The following AKAP9 variants were observed in gnomAD, a reference collection of about 807,000 sequenced individuals.
The protein encoded by AKAP9 is A-kinase anchoring protein 9.
A neutral mutation model predicts 488.5 loss-of-function variants in AKAP9; 311 were observed. The observed-to-expected ratio is 0.64, with a 90% CI of 0.58 to 0.70. The LOEUF is 0.70. Among genes scored for constraint, AKAP9 ranks in the 30% least tolerant of loss-of-function variants. The probability of loss-of-function intolerance (pLI) is 0.00; values close to 1 mark genes in which losing one functional copy is unlikely to be tolerated. For synonymous variants in AKAP9, 1,462 were observed against 1,483.5 expected (o/e 0.99, Z 0.33); for missense variants, 4,215 against 4,374.5 (o/e 0.96, Z 1.03).
Position 92,029,934 on chromosome 7 carries a change from A to T in AKAP9, c.4188A>T (p.Ala1396=), listed in dbSNP as rs1466424888. The change falls in exon 15 of 50, where the codon GCA becomes GCT. Residue 1396 remains alanine, a synonymous_variant. Transcript: ENST00000356239. The part of the protein sequence containing the change: ...VDSVVITESD[A]QRTMYPGSCV... ...CGGTGGTAATTACAGAATCTGATGC[A>T]CAGAGAACAATGTACCCTGGAAGTT... 2.5e-6 allele frequency: 4 copies of T among 1,613,186 alleles called. No individual in the cohort carries two copies. The highest frequency in any genetic ancestry group is 3.4e-6 in the Non-Finnish European group (4 of 1,179,412).
chr7:91,987,592 A>G (rs1797263788), intron 3 of AKAP9, among the ~76,000 whole-genome samples: 1 of 152,198 alleles, frequency 6.6e-6, no homozygotes, highest in Non-Finnish European at 1.5e-5. Context: ...AGTAAAGTTG[A>G]TATTTGGTGA....
At chr7:92,077,377 C>T (rs1812788351) in intron 29 of AKAP9, among the ~76,000 whole-genome samples, 1 of 152,020 alleles carries the variant, frequency 6.6e-6, no homozygotes, top group African/African-American at 2.4e-5. Context: ...AGGCGTGAGC[C>T]ACCACACCTG....
At chr7:92,044,887 A>G in intron 20 of AKAP9, 121 bp from the exon 21 acceptor site, 1 of 751,428 alleles carries the variant, frequency 1.3e-6, no homozygotes, top group Non-Finnish European at 2.3e-6. Context: ...TATTTTAATA[A>G]AAAGGATCAT....
At chr7:91,974,944 A>G (rs983482969) in intron 2 of AKAP9, among the ~76,000 whole-genome samples, 5 of 150,712 alleles carry the variant, frequency 3.3e-5, no homozygotes, top group African/African-American at 1.2e-4. Flanking sequence ...TCTGTCACCC[A>G]GGCCCAAGCC....
At chr7:92,065,188 A>G (rs1023766608) in intron 24 of AKAP9, 43 bp from the exon 25 acceptor site, 6 of 1,306,634 alleles carry the variant, frequency 4.6e-6, no homozygotes, top group Non-Finnish European at 5.4e-6. Context: ...TCATAAGATC[A>G]TTAATTGTGA....
chr7:92,048,780 A>C (rs1807433239), intron 21 of AKAP9, among the ~76,000 whole-genome samples: 1 of 152,118 alleles, frequency 6.6e-6, no homozygotes, highest in Non-Finnish European at 1.5e-5. Context: ...GGCGGCACAT[A>C]CCTGTAATCC....
At chr7:91,954,756 G>A (rs1400246059) in intron 1 of AKAP9, among the ~76,000 whole-genome samples, 1 of 152,048 alleles carries the variant, frequency 6.6e-6, no homozygotes. Flanking sequence ...CAGAAAATCT[G>A]CAGTGTCAGG....
At chr7:91,992,518 G>A (rs2130635310) in intron 4 of AKAP9, among the ~76,000 whole-genome samples, 1 of 152,170 alleles carries the variant, frequency 6.6e-6, no homozygotes, top group African/African-American at 2.4e-5. Flanking sequence ...ACAAAAATTA[G>A]CCGGGCATGG....
intron 14 of AKAP9, among the ~76,000 whole-genome samples, chr7:92,024,344 G>A (rs1006021111): frequency 7.3e-5 from 11 of 151,300 alleles, no homozygotes; most frequent in African/African-American, 1.9e-4. Flanking sequence ...CATAGGAAGC[G>A]GAGGTTGCAG....
At chr7:91,970,255 T>G (rs1281862618) in intron 1 of AKAP9, among the ~76,000 whole-genome samples, 1 of 152,208 alleles carries the variant, frequency 6.6e-6, no homozygotes, top group Admixed American at 6.5e-5. Context: ...TTGTCTCAAT[T>G]TACATGTTTT....
chr7:92,083,508 A>T lies in AKAP9; in HGVS notation c.8499A>T (p.Glu2833Asp), dbSNP rs747346120. 4 of 1,608,192 alleles carry T rather than the reference A, an allele frequency of 2.5e-6. No individual in the cohort carries two copies. The highest frequency in any genetic ancestry group is 1.7e-4 in the Middle Eastern group (1 of 6,022). The part of the protein sequence containing the change: ...QFTEKIEKMQ[E>D]LHAAEILDME... ...CTGAAAAAATTGAGAAGATGCAAGA[A>T]CTACATGCTGCTGAAATTTTGGACA... The change falls in exon 33 of 50, where the codon GAA becomes GAT. Residue 2833 changes from glutamate to aspartate, a missense_variant. This residue lies in a region of AKAP9 where 1,476 missense variants were observed against 1,477.4 expected (regional missense o/e 1.00). Coordinates refer to ENST00000356239, the MANE Select transcript of AKAP9 (RefSeq NM_005751.5).
At position 92,110,311 on chromosome 7, in the gene AKAP9, C is replaced by T. The variant is rs1420632572; in HGVS notation, c.*152C>T. ...CAAATCCCTTGCCAGCACATGAAAA[C>T]AAACTGGAATTTGTATATATAAGCA... On this transcript the variant is annotated 3_prime_UTR_variant, in exon 50 of 50. Transcript: ENST00000356239. 2 of 651,022 alleles carry T rather than the reference C, an allele frequency of 3.1e-6. No homozygotes were observed. The highest frequency in any genetic ancestry group is 5.5e-5 in the East Asian group (2 of 36,314). The allele number at this position is 651,022 out of a possible 1,614,324, so 40.3% of individuals were successfully genotyped here.
chr7:92,040,617 A>G, intron 17 of AKAP9, 57 bp from the exon 18 acceptor site: 1 of 1,314,494 alleles, frequency 7.6e-7, no homozygotes, highest in Non-Finnish European at 1.1e-6. Context: ...ATGCTGACAG[A>G]TTTTTACAAA....
intron 40 of AKAP9, 67 bp from the exon 41 acceptor site, chr7:92,096,622 C>A: frequency 6.3e-7 from 1 of 1,588,120 alleles, no homozygotes; most frequent in Non-Finnish European, 8.6e-7. Context: ...CAGGCGTGAG[C>A]CACCACGCCC....
rs765397069 is a variant in AKAP9 at position 92,097,122 on chromosome 7, G to C, written c.10163G>C (p.Arg3388Thr). 6.2e-6 allele frequency: 10 copies of C among 1,614,216 alleles called. No homozygotes were observed. In the South Asian group the frequency reaches 1.1e-4, roughly 18 times the overall value. The part of the protein sequence containing the change: ...QQMEKDRQVH[R>T]KTLQTEQEAN... The stretch of plus-strand genomic sequence containing the variant: ...ATGGAAAAAGATAGGCAGGTTCACA[G>C]GAAAACACTGCAGACAGAACAGGAG... The change falls in exon 41 of 50, where the codon AGG becomes ACG. Residue 3388 changes from arginine (R) to threonine (T), a missense_variant. Coordinates refer to ENST00000356239, the MANE Select transcript of AKAP9 (RefSeq NM_005751.5).
At position 92,018,900 on chromosome 7, in the gene AKAP9, A is replaced by G. The variant is rs187045487; in HGVS notation, c.3837+1798A>G. ...ATCTTTTAGGTATATCTCAATCAGC[A>G]TATTGAAATTTGAATTTATTAACTA... On this transcript the variant is annotated intron_variant, in intron 12 of 49. Coordinates refer to ENST00000356239, the MANE Select transcript of AKAP9 (RefSeq NM_005751.5). 3.2e-3 allele frequency among the ~76,000 whole-genome samples: 491 copies of G among 152,330 alleles called. 5 individuals are homozygous for G. Among genetic ancestry groups the G allele is most frequent in the Non-Finnish European group, 5.1e-3 (349 of 68,032 alleles).
intron 1 of AKAP9, among the ~76,000 whole-genome samples, chr7:91,962,770 A>G (rs1444170333): frequency 4.6e-5 from 7 of 152,120 alleles, no homozygotes; most frequent in African/African-American, 1.7e-4. Context: ...TTCCATATCT[A>G]TCCATTATCT....
At chr7:92,105,821 C>T (rs918178989) in intron 47 of AKAP9, 58 bp downstream of exon 47, 128 of 1,416,302 alleles carry the variant, frequency 9.0e-5, no homozygotes, top group Non-Finnish European at 1.3e-4. Flanking sequence ...AGAGGTCCCC[C>T]ACCCCCAGAC....
Position 91,941,167 on chromosome 7 carries a change from C to T in AKAP9, c.48+20C>T, listed in dbSNP as rs200332898. ...GCCAAGGTAGGAGAGCCCGAGGCAA[C>T]CGGGCCTGCGGTGGGAGGCGGTGGC... On this transcript the variant is annotated intron_variant, in intron 1 of 49. Transcript: ENST00000356239. 4.2e-5 allele frequency: 67 copies of T among 1,612,414 alleles called. No homozygotes were observed. Among genetic ancestry groups the T allele is most frequent in the Non-Finnish European group, 5.1e-5 (60 of 1,178,606 alleles).
Sources: gnomAD v4.1 joint callset for allele counts (sites outside exome capture counted in the v4.1 genomes callset) on GRCh38, gnomAD v4.1.1 for gene constraint, gnomAD v4.1.1 regional missense constraint, MANE v1.5 for transcripts, NCBI Gene and HGNC (gene_info 2026-07-23, HGNC 2026-07-21) for gene names.